Variants in ADCY1 observed in about 807,000 individuals in gnomAD.
ADCY1 encodes the protein adenylate cyclase 1.
Under a neutral mutation model 105.4 loss-of-function variants are expected in ADCY1, and 28 were observed. That is an observed-to-expected ratio of 0.27 (90% CI 0.20 to 0.36). ADCY1 has a LOEUF of 0.36. ADCY1 is among the 10% of genes least tolerant of loss of function. ADCY1 has a pLI of 1.00. For synonymous variants in ADCY1, 655 were observed against 623.8 expected, an observed-to-expected ratio of 1.05 and a Z score of -0.75; for missense variants, 977 against 1,434.2, an observed-to-expected ratio of 0.68 and a Z score of 5.15.
chr7:45,575,565 C>G lies in ADCY1; in HGVS notation c.639+383C>G, dbSNP rs752132116. ...AAAGTGGGCGAGGAGAGCAGACCCC[C>G]AGGGCAAGCTCCAAGGCCGGCTCTG... On this transcript the variant is annotated intron_variant, in intron 1 of 19. Transcript: ENST00000297323. The surrounding 1 kb of genome is among the most constrained non-coding windows in gnomAD (Gnocchi z 4.7). 2.0e-5 allele frequency among the ~76,000 whole-genome samples: 3 copies of G among 152,272 alleles called. No individual in the cohort carries two copies. The highest frequency in any genetic ancestry group is 6.5e-5 in the Admixed American group (1 of 15,292).
At chr7:45,601,175 G>A (rs1035732459) in intron 2 of ADCY1, among the ~76,000 whole-genome samples, 2 of 152,152 alleles carry the variant, frequency 1.3e-5, no homozygotes, top group Admixed American at 6.5e-5. Flanking sequence ...ACATATGGCC[G>A]CCCCTGTGCA....
chr7:45,641,692 C>T (rs534821444), intron 4 of ADCY1, among the ~76,000 whole-genome samples: 52 of 150,522 alleles, frequency 3.5e-4, no homozygotes, highest in African/African-American at 1.1e-3. Context: ...TTTGGGAGGC[C>T]GAGGCAGGTG....
At chr7:45,690,006 G>T (rs1220366438) in intron 14 of ADCY1, among the ~76,000 whole-genome samples, 4 of 152,234 alleles carry the variant, frequency 2.6e-5, no homozygotes, top group African/African-American at 9.6e-5. Context: ...AAGGGAGGGC[G>T]ATAGGACCCG....
chr7:45,592,750 T>C lies in ADCY1; in HGVS notation c.640-9T>C. On this transcript the variant is annotated splice_polypyrimidine_tract_variant and intron_variant, in intron 1 of 19. Coordinates refer to ENST00000297323, the MANE Select transcript of ADCY1 (RefSeq NM_021116.4). ...AGGCTCCACATGTTGCCTCCTTCTC[T>C]CCCTGCAGCTCGGTGCCAATGCCTT... 1.9e-6 allele frequency: 3 copies of C among 1,614,044 alleles called. No individual in the cohort carries two copies. The highest frequency in any genetic ancestry group is 2.5e-6 in the Non-Finnish European group (3 of 1,179,938).
intron 6 of ADCY1, among the ~76,000 whole-genome samples, chr7:45,658,123 G>T (rs947122361): frequency 6.6e-5 from 10 of 152,230 alleles, no homozygotes; most frequent in African/African-American, 2.4e-4. Context: ...TCTACAAAAA[G>T]CTGTCATTGG....
chr7:45,685,870 A>G, intron 12 of ADCY1, 92 bp from the exon 13 acceptor site: 1 of 1,480,284 alleles, frequency 6.8e-7, no homozygotes, highest in Non-Finnish European at 9.0e-7. Context: ...AAACCTTGGG[A>G]GACCTGCTTG....
At chr7:45,610,749 G>GTGGAAGT (rs1793523030) in intron 3 of ADCY1, among the ~76,000 whole-genome samples, 1 of 125,980 alleles carries the variant, frequency 7.9e-6, no homozygotes, top group Non-Finnish European at 1.7e-5. Flanking sequence ...GGGAGGTGAT[G>GTGGAAGT]ATGGAGGTGT....
chr7:45,680,467 C>T (rs190460368), intron 11 of ADCY1: 7 of 152,444 alleles, frequency 4.6e-5, no homozygotes, highest in East Asian at 1.9e-4. Context: ...CATTTCTAAA[C>T]GACTCGTTTC....
At chr7:45,589,690 C>A (rs1448279737) in intron 1 of ADCY1, among the ~76,000 whole-genome samples, 2 of 152,038 alleles carry the variant, frequency 1.3e-5, no homozygotes, top group Non-Finnish European at 2.9e-5. Context: ...GCGGGTGAGC[C>A]CTGTGCTCAT....
intron 5 of ADCY1, among the ~76,000 whole-genome samples, chr7:45,649,226 T>TG (rs1794748988): frequency 6.6e-6 from 1 of 152,210 alleles, no homozygotes; most frequent in East Asian, 1.9e-4. Context: ...GCTCTCTGTG[T>TG]GGGGAGACAG....
intron 14 of ADCY1, among the ~76,000 whole-genome samples, chr7:45,687,370 G>A (rs1020762925): frequency 6.6e-6 from 1 of 152,216 alleles, no homozygotes; most frequent in African/African-American, 2.4e-5. Context: ...CAGCAGGGGT[G>A]TACCTGTGTC....
At chr7:45,697,386 CTTTTT>C (rs34522967) in intron 14 of ADCY1, among the ~76,000 whole-genome samples, 1 of 108,278 alleles carries the variant, frequency 9.2e-6, no homozygotes, top group South Asian at 3.6e-4. Flanking sequence ...CTCTCTTTAC[CTTTTT>C]TTTTTTTTTT....
At position 45,654,600 on chromosome 7, in the gene ADCY1, G is replaced by T. The variant is rs919895304; in HGVS notation, c.1149-3127G>T. Reference sequence around the variant, plus strand: ...CAGTATCTTACTTTTTAACAAGGGGGCTAGTGTGTGCCACATGGAGCATGC... The same window carrying T: ...CAGTATCTTACTTTTTAACAAGGGGTCTAGTGTGTGCCACATGGAGCATGC... On this transcript the variant is annotated intron_variant, in intron 5 of 19. Coordinates refer to ENST00000297323, the MANE Select transcript of ADCY1 (RefSeq NM_021116.4). Among the ~76,000 whole-genome samples, 7 of 152,324 alleles carry T rather than the reference G, an allele frequency of 4.6e-5. No individual in the cohort carries two copies. The East Asian group carries it at 9.7e-4, about 21-fold the overall frequency.
rs1345926580 is a variant in ADCY1 at position 45,719,575 on chromosome 7, CCTTAAAAAATAGAT to C, written c.*5581_*5594del. Reference sequence around the variant, plus strand: ...GTTCCATATGAAGTCTGTTTCACTACCTTAAAAAATAGATACTCCACTAGAGGCTGTGCTTAATT... The same window carrying C: ...GTTCCATATGAAGTCTGTTTCACTACACTCCACTAGAGGCTGTGCTTAATT... On this transcript the variant is annotated 3_prime_UTR_variant, in exon 20 of 20. Transcript: ENST00000297323. 1 of 152,190 alleles carries C rather than the reference CCTTAAAAAATAGAT, an allele frequency of 6.6e-6. No individual in the cohort carries two copies. Among genetic ancestry groups the C allele is most frequent in the Non-Finnish European group, 1.5e-5 (1 of 68,042 alleles). The allele number at this position is 152,190 out of a possible 1,614,324, so 9.4% of individuals were successfully genotyped here. A position where few individuals can be genotyped will look rare whatever the true frequency, so the allele number is the denominator to read the frequency against.
Position 45,605,755 on chromosome 7 carries a change from G to A in ADCY1, c.790-4624G>A, listed in dbSNP as rs112617532. On this transcript the variant is annotated intron_variant, in intron 2 of 19. Transcript: ENST00000297323. Reference sequence around the variant, plus strand: ...AAGTGCATTCGTAGTTCTTTATTTAGTCATTCTTATGATGGTTGCTTTACA... The same window carrying A: ...AAGTGCATTCGTAGTTCTTTATTTAATCATTCTTATGATGGTTGCTTTACA... Among the ~76,000 whole-genome samples, 485 of 152,186 alleles carry A rather than the reference G, an allele frequency of 3.2e-3. 3 individuals are homozygous for A. The highest frequency in any genetic ancestry group is 0.017 in the Middle Eastern group (5 of 294).
At chr7:45,590,714 G>T (rs1457043220) in intron 1 of ADCY1, among the ~76,000 whole-genome samples, 1 of 151,990 alleles carries the variant, frequency 6.6e-6, no homozygotes, top group Non-Finnish European at 1.5e-5. Context: ...GAGATTTCAA[G>T]GTCACCTTCT....
At chr7:45,626,016 T>G (rs532627985) in intron 4 of ADCY1, among the ~76,000 whole-genome samples, 1 of 152,342 alleles carries the variant, frequency 6.6e-6, no homozygotes, top group Admixed American at 6.5e-5. Context: ...AACCAGCTAC[T>G]TCCTAGAGGC....
intron 8 of ADCY1, among the ~76,000 whole-genome samples, chr7:45,674,946 A>G (rs1784428265): frequency 6.6e-6 from 1 of 152,192 alleles, no homozygotes; most frequent in African/African-American, 2.4e-5. Flanking sequence ...TTTTGAAGTA[A>G]GTTTCTTTAA....
Position 45,686,301 on chromosome 7 carries a change from T to A in ADCY1, c.2327+86T>A. The stretch of plus-strand genomic sequence containing the variant: ...CAGATATGCACTACAGGCTTCTGAG[T>A]CCAGAACTAGTCAAGTTGAATTGTA... On this transcript the variant is annotated intron_variant, in intron 13 of 19. Coordinates refer to ENST00000297323, the MANE Select transcript of ADCY1 (RefSeq NM_021116.4). This position sits in a 1 kb window ranked among gnomAD's most constrained non-coding sequence, Gnocchi z 4.3. The A allele has an allele frequency of 1.3e-6, 2 of 1,521,728 alleles. No homozygotes were observed. Among genetic ancestry groups the A allele is most frequent in the African/African-American group, 1.4e-5 (1 of 72,280 alleles). The allele number at this position is 1,521,728 out of a possible 1,614,324, so 94.3% of individuals were successfully genotyped here. A position where few individuals can be genotyped will look rare whatever the true frequency, so the allele number is the denominator to read the frequency against.
Sources: allele counts gnomAD v4.1 joint callset (sites outside exome capture counted in the v4.1 genomes callset), GRCh38; gene constraint gnomAD v4.1.1; non-coding constraint Gnocchi (gnomAD v3.1); transcripts MANE v1.5; gene names NCBI Gene and HGNC (gene_info 2026-07-23, HGNC 2026-07-21).